The following MCF2L variants were observed in gnomAD, a reference collection of about 807,000 sequenced individuals.
The protein encoded by MCF2L is MCF.2 cell line derived transforming sequence like.
Under a neutral mutation model 153.4 loss-of-function variants are expected in MCF2L, and 97 were observed. The ratio of observed to expected loss-of-function variants is 0.63; its 90% confidence interval spans 0.54 to 0.75. The LOEUF is 0.75. MCF2L is among the 30% of genes least tolerant of loss of function. The probability of loss-of-function intolerance (pLI) is 0.00; values close to 1 mark genes in which losing one functional copy is unlikely to be tolerated. For missense variants in MCF2L, 1,347 were observed against 1,495.2 expected (o/e 0.90, Z 1.64); for synonymous variants, 659 against 632.2 (o/e 1.04, Z -0.64).
At chr13:113,007,126 C>A (rs2083756512) in intron 1 of MCF2L, among the ~76,000 whole-genome samples, 1 of 152,180 alleles carries the variant, frequency 6.6e-6, no homozygotes, top group Non-Finnish European at 1.5e-5. Flanking sequence ...AGCTCAGAAG[C>A]CATTGTGTGT....
rs2085453712 is a variant in MCF2L, at chr13:113,028,625, G to A, written c.278+3867G>A. On this transcript the variant is annotated intron_variant, in intron 3 of 29. Coordinates refer to ENST00000535094, the MANE Select transcript of MCF2L (RefSeq NM_001112732.3). The surrounding 1 kb of genome is among the most constrained non-coding windows in gnomAD (Gnocchi z 5.4). ...GGATCCCCACTGTTCACCTGTGTATGGAAACTCAGGTTTTCTGGTCACACT... is the reference window on the plus strand; with the variant it reads ...GGATCCCCACTGTTCACCTGTGTATAGAAACTCAGGTTTTCTGGTCACACT... 6.6e-6 allele frequency among the ~76,000 whole-genome samples: 1 copy of A among 152,224 alleles called. No homozygotes were observed. The highest frequency in any genetic ancestry group is 1.5e-5 in the Non-Finnish European group (1 of 68,050).
chr13:113,031,647 G>T lies in MCF2L; in HGVS notation c.278+6889G>T, dbSNP rs1594757461. Among the ~76,000 whole-genome samples the T allele has an allele frequency of 6.6e-6, 1 of 152,140 alleles. No individual in the cohort carries two copies. The highest frequency in any genetic ancestry group is 2.1e-4 in the South Asian group (1 of 4,820). ...GCGGCGGCCCTCAGAGAAGGGACGAGGTGGGAAGCCTGGAGCTTGCTGGAG... is the reference window on the plus strand; with the variant it reads ...GCGGCGGCCCTCAGAGAAGGGACGATGTGGGAAGCCTGGAGCTTGCTGGAG... On this transcript the variant is annotated intron_variant, in intron 3 of 29. Transcript: ENST00000535094. The surrounding 1 kb of genome is among the most constrained non-coding windows in gnomAD (Gnocchi z 5.5).
chr13:113,002,111 G>C, intron 1 of MCF2L: 1 of 1,152,614 alleles, frequency 8.7e-7, no homozygotes, highest in Non-Finnish European at 1.2e-6. Flanking sequence ...GCAGAAGCCC[G>C]GGGCTGGGGG....
chr13:112,925,087 C>A (rs1234425191), intron 2 of MCF2L, among the ~76,000 whole-genome samples: 1 of 152,168 alleles, frequency 6.6e-6, no homozygotes, highest in Non-Finnish European at 1.5e-5. Context: ...ACCAGATGGA[C>A]CTGTGATTTA....
chr13:112,982,566 C>T (rs2082475099), intron 1 of MCF2L, among the ~76,000 whole-genome samples: 3 of 152,208 alleles, frequency 2.0e-5, no homozygotes, highest in Non-Finnish European at 2.9e-5. Context: ...GTGTGCGCCA[C>T]GGAAGGCTGC....
In MCF2L at chr13:113,075,223, C is replaced by A. The variant is rs766484371; in HGVS notation, c.1308+34C>A. 3.9e-4 allele frequency: 606 copies of A among 1,549,894 alleles called. 1 individual carries two copies. Among genetic ancestry groups the A allele is most frequent in the Non-Finnish European group, 4.9e-4 (562 of 1,142,446 alleles). ...AGCCGGACCCCACCCCACTCCCCCC[C>A]AGCTGCGGAACCAGCCTCTTCCTCC... On this transcript the variant is annotated intron_variant, in intron 11 of 29. Coordinates refer to ENST00000535094, the MANE Select transcript of MCF2L (RefSeq NM_001112732.3).
In MCF2L at chr13:113,083,060, G is replaced by A. The variant is rs1039701374; in HGVS notation, c.1991+518G>A. Among the ~76,000 whole-genome samples, 7 of 152,330 alleles carry A rather than the reference G, an allele frequency of 4.6e-5. 1 individual carries two copies. The South Asian group carries it at 1.2e-3, about 27-fold the overall frequency. ...AGCGACCCGTGGCCTCTCCAGTGCAGGTGGCCTGTCCGGCCTCTTGTCCTC... is the reference window on the plus strand; with the variant it reads ...AGCGACCCGTGGCCTCTCCAGTGCAAGTGGCCTGTCCGGCCTCTTGTCCTC... On this transcript the variant is annotated intron_variant, in intron 17 of 29. Transcript: ENST00000535094.
At position 113,097,779 on chromosome 13, in the gene MCF2L, G is replaced by T. The variant is rs1415658899; in HGVS notation, c.*920G>T. 1 of 152,062 alleles carries T rather than the reference G, an allele frequency of 6.6e-6. No homozygotes were observed. 9.4% of individuals were successfully genotyped at this position (152,062 alleles called of 1,614,324 possible). On this transcript the variant is annotated 3_prime_UTR_variant, in exon 30 of 30. Transcript: ENST00000535094. ...GCAGGGTGTGGCGTGGACCAGTGCT[G>T]CCGACCATAGCTCAGAGAGCCCTGC...
rs566489855 is a variant in MCF2L at position 112,932,758 on chromosome 13, C to T, written c.169+30387C>T. Reference sequence around the variant, plus strand: ...AGAAATAAACGACTTTGGCTGGGTGCGGTGGCTGGCACCTGTAATCCCAGC... The same window carrying T: ...AGAAATAAACGACTTTGGCTGGGTGTGGTGGCTGGCACCTGTAATCCCAGC... On this transcript the variant is annotated intron_variant, in intron 2 of 29. Transcript: ENST00000375608. The surrounding 1 kb of genome is among the most constrained non-coding windows in gnomAD (Gnocchi z 4.6). Among the ~76,000 whole-genome samples, 3 of 152,228 alleles carry T rather than the reference C, an allele frequency of 2.0e-5. No homozygotes were observed. Among genetic ancestry groups the T allele is most frequent in the African/African-American group, 4.8e-5 (2 of 41,538 alleles).
In MCF2L at chr13:112,904,715, C is replaced by T. The variant is rs1451946306; in HGVS notation, c.169+2344C>T. Reference sequence around the variant, plus strand: ...TCTGGCTGTCCTTGCCTCGTCTGCTCTGTGGAAAGAGAAGCGCACGGCGTG... The same window carrying T: ...TCTGGCTGTCCTTGCCTCGTCTGCTTTGTGGAAAGAGAAGCGCACGGCGTG... On this transcript the variant is annotated intron_variant, in intron 2 of 29. Coordinates refer to the MCF2L transcript ENST00000375608. This position sits in a 1 kb window ranked among gnomAD's most constrained non-coding sequence, Gnocchi z 4.2. Among the ~76,000 whole-genome samples, 2 of 152,238 alleles carry T rather than the reference C, an allele frequency of 1.3e-5. No homozygotes were observed. The highest frequency in any genetic ancestry group is 2.4e-5 in the African/African-American group (1 of 41,464).
chr13:112,929,777 G>A (rs1220732649), intron 2 of MCF2L, among the ~76,000 whole-genome samples: 1 of 152,208 alleles, frequency 6.6e-6, no homozygotes, highest in African/African-American at 2.4e-5. Context: ...TCGGGATGGC[G>A]GAGTGACCAC....
At chr13:113,010,018 A>G (rs2083975079) in intron 1 of MCF2L, 1 of 152,080 alleles carries the variant, frequency 6.6e-6, no homozygotes, top group East Asian at 1.9e-4. Flanking sequence ...CACGGTCACC[A>G]GTGAGCACCA....
intron 2 of MCF2L, among the ~76,000 whole-genome samples, chr13:112,963,195 G>A (rs2081854047): frequency 1.3e-5 from 2 of 152,228 alleles, no homozygotes; most frequent in African/African-American, 4.8e-5. Context: ...ACTCTCAGCA[G>A]GGAATGCCGC....
intron 8 of MCF2L, 113 bp downstream of exon 8, chr13:113,066,283 A>G: frequency 1.5e-6 from 2 of 1,304,912 alleles, no homozygotes; most frequent in Non-Finnish European, 2.0e-6. Context: ...GCAGCGTGGC[A>G]GGCAACCCCA....
intron 5 of MCF2L, among the ~76,000 whole-genome samples, chr13:113,061,466 G>A (rs554185644): frequency 2.0e-3 from 300 of 152,202 alleles, no homozygotes; most frequent in Non-Finnish European, 3.3e-3. Flanking sequence ...ACCAGGCACC[G>A]CAGAGCACCC....
intron 9 of MCF2L, among the ~76,000 whole-genome samples, chr13:113,073,163 C>T (rs566343299): frequency 2.7e-4 from 41 of 151,494 alleles, no homozygotes; most frequent in African/African-American, 9.2e-4. Flanking sequence ...AAGTTTGATT[C>T]ATTGTAATCA....
At chr13:112,959,551 A>G (rs1483334639) in intron 2 of MCF2L, among the ~76,000 whole-genome samples, 1 of 152,144 alleles carries the variant, frequency 6.6e-6, no homozygotes, top group African/African-American at 2.4e-5. Flanking sequence ...ATACAGAACA[A>G]TAGGACAGGA....
intron 2 of MCF2L, among the ~76,000 whole-genome samples, chr13:112,905,198 C>T (rs1040732802): frequency 6.6e-6 from 1 of 152,212 alleles, no homozygotes; most frequent in Non-Finnish European, 1.5e-5. Flanking sequence ...CTTCTGGTCG[C>T]TGCAAGAGCA....
chr13:112,898,511 A>T (rs1005142552), intron 1 of MCF2L, among the ~76,000 whole-genome samples: 3 of 152,076 alleles, frequency 2.0e-5, no homozygotes, highest in African/African-American at 7.2e-5. Flanking sequence ...AGCCTCCCTC[A>T]GGCCCATCCT....
Sources: gnomAD v4.1 joint callset for allele counts (sites outside exome capture counted in the v4.1 genomes callset) on GRCh38, gnomAD v4.1.1 for gene constraint, Gnocchi (gnomAD v3.1) non-coding constraint, MANE v1.5 for transcripts, NCBI Gene and HGNC (gene_info 2026-07-23, HGNC 2026-07-21) for gene names.